Variants in ANKRD20A1 observed in about 807,000 individuals in gnomAD.
ANKRD20A1 encodes the protein ankyrin repeat domain-containing protein 20A1.
In ANKRD20A1, 2 loss-of-function variants were observed where a neutral mutation model predicts 50.9. The observed-to-expected ratio is 0.04, with a 90% CI of 0.02 to 0.12. The LOEUF is 0.12. Among genes scored for constraint, ANKRD20A1 ranks in the 10% least tolerant of loss-of-function variants. ANKRD20A1 has a pLI of 1.00. For synonymous variants in ANKRD20A1, 10 were observed against 186.2 expected, an observed-to-expected ratio of 0.05 and a Z score of 7.70; for missense variants, 31 against 548.1, an observed-to-expected ratio of 0.06 and a Z score of 9.42.
At position 67,892,063 on chromosome 9, in the gene ANKRD20A1, AAAAG is replaced by A. The variant is rs1475054956; in HGVS notation, c.1082-1369_1082-1366del. 4.9e-5 allele frequency among the ~76,000 whole-genome samples: 2 copies of A among 40,420 alleles called. 1 individual carries two copies. The highest frequency in any genetic ancestry group is 1.0e-4 in the Non-Finnish European group (2 of 19,912). The allele number at this position is 40,420 out of a possible 152,430, so 26.5% of individuals were successfully genotyped here. A position where few individuals can be genotyped will look rare whatever the true frequency, so the allele number is the denominator to read the frequency against. The stretch of plus-strand genomic sequence containing the variant: ...GAGTAAGACCTTGTCCCAAAAAAAG[AAAAG>A]AAAAGGAAACTGATTTCTGCCCAAA... On this transcript the variant is annotated intron_variant, in intron 11 of 14. Coordinates refer to ENST00000562196, the MANE Select transcript of ANKRD20A1 (RefSeq NM_032250.5).
chr9:67,872,674 T>G (rs1827667621), intron 6 of ANKRD20A1, among the ~76,000 whole-genome samples: 1 of 137,382 alleles, frequency 7.3e-6, no homozygotes, highest in Non-Finnish European at 1.6e-5. Flanking sequence ...GATGCACAAT[T>G]AATCAATTAT....
intron 9 of ANKRD20A1, among the ~76,000 whole-genome samples, chr9:67,884,954 A>G (rs1827853938): frequency 7.6e-6 from 1 of 130,830 alleles, no homozygotes; most frequent in Non-Finnish European, 1.7e-5. Context: ...GCACTAATAG[A>G]GTGTAATAGC....
intron 11 of ANKRD20A1, among the ~76,000 whole-genome samples, chr9:67,891,164 C>T (rs1318805507): frequency 1.2e-5 from 1 of 86,818 alleles, no homozygotes; most frequent in African/African-American, 3.7e-5. Flanking sequence ...CATGGTGGCA[C>T]ATACCTGTAA....
intron 3 of ANKRD20A1, among the ~76,000 whole-genome samples, chr9:67,865,397 T>TG (rs1056202190): frequency 8.0e-6 from 1 of 124,270 alleles, no homozygotes; most frequent in Non-Finnish European, 1.7e-5. Context: ...GTGAGTCTTT[T>TG]TAGCAATTTT....
At chr9:67,882,977 T>A (rs1313777483) in intron 8 of ANKRD20A1, among the ~76,000 whole-genome samples, 27 of 151,080 alleles carry the variant, frequency 1.8e-4, no homozygotes, top group African/African-American at 6.3e-4. Context: ...CATCCTTTTT[T>A]ATGGCTGCAT....
At chr9:67,885,764 C>T (rs1363295011) in intron 9 of ANKRD20A1, among the ~76,000 whole-genome samples, 2 of 152,422 alleles carry the variant, frequency 1.3e-5, no homozygotes, top group Admixed American at 6.5e-5. Context: ...CTGGAAGGTG[C>T]ACATTCTGAT....
chr9:67,879,043 A>G (rs889781427), intron 7 of ANKRD20A1, among the ~76,000 whole-genome samples: 1 of 37,796 alleles, frequency 2.6e-5, no homozygotes, highest in African/African-American at 5.2e-5. Flanking sequence ...GAAGGACACA[A>G]GATGTTGGGA....
Position 67,895,866 on chromosome 9 carries a change from A to C in ANKRD20A1, c.1153-1693A>C, listed in dbSNP as rs1827996940. On this transcript the variant is annotated intron_variant, in intron 12 of 14. Coordinates refer to ENST00000562196, the MANE Select transcript of ANKRD20A1 (RefSeq NM_032250.5). ...CTTTATCAATTATTTGATTTAGTCA[A>C]ATTTTCTGTTCAAGAAAATGTCATG... 2.2e-5 allele frequency among the ~76,000 whole-genome samples: 2 copies of C among 89,968 alleles called. 1 individual carries two copies. Among genetic ancestry groups the C allele is most frequent in the East Asian group, 1.6e-3 (2 of 1,242 alleles). The allele number at this position is 89,968 out of a possible 152,430, so 59.0% of individuals were successfully genotyped here.
At chr9:67,871,906 T>C (rs1425636237) in intron 6 of ANKRD20A1, among the ~76,000 whole-genome samples, 4 of 139,796 alleles carry the variant, frequency 2.9e-5, no homozygotes, top group Admixed American at 1.4e-4. Context: ...GAGAAACATA[T>C]TGACTTTTCA....
At chr9:67,891,320 A>C (rs1305497283) in intron 11 of ANKRD20A1, among the ~76,000 whole-genome samples, 3 of 137,752 alleles carry the variant, frequency 2.2e-5, no homozygotes, top group African/African-American at 7.8e-5. Context: ...CAACAACAAC[A>C]GCAACAGCAA....
chr9:67,882,952 C>G (rs1422339008), intron 8 of ANKRD20A1, among the ~76,000 whole-genome samples: 1 of 151,174 alleles, frequency 6.6e-6, no homozygotes, highest in Non-Finnish European at 1.5e-5. Flanking sequence ...CATGTCCCTA[C>G]AAAGGACATG....
intron 9 of ANKRD20A1, among the ~76,000 whole-genome samples, chr9:67,884,869 G>T (rs57767975): frequency 7.3e-6 from 1 of 136,742 alleles, no homozygotes; most frequent in Non-Finnish European, 1.7e-5. Context: ...CACCCTGGGC[G>T]ACAGAGCGAG....
chr9:67,865,721 G>GGCA (rs1222986963), intron 3 of ANKRD20A1, among the ~76,000 whole-genome samples: 10 of 56,946 alleles, frequency 1.8e-4, no homozygotes, highest in Non-Finnish European at 5.0e-4. Context: ...CTTTATAGAA[G>GGCA]GCAGGTATTC....
intron 3 of ANKRD20A1, among the ~76,000 whole-genome samples, chr9:67,865,807 T>C (rs1468314625): frequency 4.6e-4 from 66 of 143,176 alleles, no homozygotes; most frequent in Middle Eastern, 3.7e-3. Context: ...AGTATCTGAG[T>C]TTACAACTCC....
chr9:67,891,304 C>A (rs1300011665), intron 11 of ANKRD20A1, among the ~76,000 whole-genome samples: 6 of 139,950 alleles, frequency 4.3e-5, no homozygotes, highest in African/African-American at 1.5e-4. Context: ...CAAACAACAA[C>A]AACAACAACA....
intron 9 of ANKRD20A1, among the ~76,000 whole-genome samples, chr9:67,885,638 G>T (rs4487905): frequency 2.6e-5 from 4 of 152,302 alleles, no homozygotes; most frequent in Non-Finnish European, 5.9e-5. Flanking sequence ...TAAATTGAGG[G>T]ACATAATAGG....
intron 14 of ANKRD20A1, 88 bp from the exon 15 acceptor site, chr9:67,900,405 G>A: frequency 2.1e-6 from 1 of 486,486 alleles, no homozygotes; most frequent in South Asian, 2.7e-5. Context: ...CTTTTTAGTG[G>A]TACGGATGTG....
rs1273576661 is a variant in ANKRD20A1, at chr9:67,868,688, G to C, written c.737+122G>C. 5.5e-6 allele frequency: 4 copies of C among 731,018 alleles called. 1 individual carries two copies. Among genetic ancestry groups the C allele is most frequent in the Non-Finnish European group, 7.4e-6 (4 of 539,456 alleles). The allele number at this position is 731,018 out of a possible 1,614,324, so 45.3% of individuals were successfully genotyped here. A position where few individuals can be genotyped will look rare whatever the true frequency, so the allele number is the denominator to read the frequency against. On this transcript the variant is annotated intron_variant, in intron 5 of 14. Transcript: ENST00000562196. ...GGTTCAGATAGTTGGAAATAGCGAAGAGTTAGTCTACCTTTTAGCCAGAAA... is the reference window on the plus strand; with the variant it reads ...GGTTCAGATAGTTGGAAATAGCGAACAGTTAGTCTACCTTTTAGCCAGAAA...
intron 9 of ANKRD20A1, among the ~76,000 whole-genome samples, chr9:67,885,375 C>T (rs1827863452): frequency 6.6e-6 from 1 of 152,300 alleles, no homozygotes; most frequent in African/African-American, 2.4e-5. Flanking sequence ...ACTGGGGAGG[C>T]ATTAAGGATT....
Sources: allele counts gnomAD v4.1 joint callset (sites outside exome capture counted in the v4.1 genomes callset), GRCh38; gene constraint gnomAD v4.1.1; transcripts MANE v1.5; gene names NCBI Gene and HGNC (gene_info 2026-07-23, HGNC 2026-07-21).